Variants in PTPN4 observed in about 807,000 individuals in gnomAD.
PTPN4 encodes tyrosine-protein phosphatase non-receptor type 4.
PTPN4 carries 49 observed loss-of-function variants against 135.5 expected under a neutral mutation model. That is an observed-to-expected ratio of 0.36 (90% CI 0.29 to 0.46). PTPN4 has a LOEUF of 0.46. Ranked by LOEUF, PTPN4 falls within the 20% of genes least tolerant of loss-of-function variation. PTPN4 has a pLI of 1.00. For synonymous variants in PTPN4, 333 were observed against 369.9 expected, an observed-to-expected ratio of 0.90 and a Z score of 1.14; for missense variants, 860 against 1,101.0, an observed-to-expected ratio of 0.78 and a Z score of 3.10.
intron 14 of PTPN4, 53 bp downstream of exon 14, chr2:119,932,602 T>A: frequency 6.6e-7 from 1 of 1,506,868 alleles, no homozygotes; most frequent in Non-Finnish European, 9.0e-7. Flanking sequence ...TAATTTCTAA[T>A]TATTGGCTGT....
intron 2 of PTPN4, among the ~76,000 whole-genome samples, chr2:119,843,634 C>G (rs1177536485): frequency 1.9e-5 from 1 of 51,586 alleles, no homozygotes; most frequent in African/African-American, 1.0e-4. Flanking sequence ...CCCCCCCCAC[C>G]TTCCCTCCCG....
intron 25 of PTPN4, 96 bp downstream of exon 25, chr2:119,965,741 T>A: frequency 7.2e-7 from 1 of 1,385,510 alleles, no homozygotes; most frequent in South Asian, 1.5e-5. Flanking sequence ...TTATTGTCAC[T>A]GTAATAATTA....
Position 119,979,675 on chromosome 2 carries a change from T to A in PTPN4, c.*2605T>A, listed in dbSNP as rs562266670. 2 of 152,254 alleles carry A rather than the reference T, an allele frequency of 1.3e-5. No homozygotes were observed. The highest frequency in any genetic ancestry group is 6.5e-5 in the Admixed American group (1 of 15,288). The allele number at this position is 152,254 out of a possible 1,614,324, so 9.4% of individuals were successfully genotyped here. On this transcript the variant is annotated 3_prime_UTR_variant, in exon 27 of 27. Coordinates refer to ENST00000263708, the MANE Select transcript of PTPN4 (RefSeq NM_002830.4). Reference sequence around the variant, plus strand: ...ATCCTAGCTTTCATACACCATGTAGTTCTAGACTCCGTCCATATCAGTGTA... The same window carrying A: ...ATCCTAGCTTTCATACACCATGTAGATCTAGACTCCGTCCATATCAGTGTA...
chr2:119,851,084 T>C (rs1677584163), intron 2 of PTPN4, among the ~76,000 whole-genome samples: 1 of 152,244 alleles, frequency 6.6e-6, no homozygotes, highest in Admixed American at 6.5e-5. Context: ...TCTACTGTTT[T>C]CTGGAGGAAG....
At chr2:119,794,878 T>C (rs930895177) in intron 1 of PTPN4, among the ~76,000 whole-genome samples, 7 of 152,226 alleles carry the variant, frequency 4.6e-5, no homozygotes, top group Admixed American at 2.0e-4. Context: ...AGGAGCTTTA[T>C]TGAGCGACAG....
intron 15 of PTPN4, among the ~76,000 whole-genome samples, chr2:119,936,324 C>G (rs1351832791): frequency 2.0e-5 from 3 of 152,228 alleles, no homozygotes; most frequent in Admixed American, 6.5e-5. Context: ...TTTATAGATT[C>G]ACAAACCCCC....
chr2:119,935,154 T>A (rs1367621647), intron 15 of PTPN4, 196 bp downstream of exon 15: 1 of 610,662 alleles, frequency 1.6e-6, no homozygotes, highest in Non-Finnish European at 2.8e-6. Context: ...GTCACTATGT[T>A]GTTATTTTGT....
chr2:119,824,686 A>G (rs1677121916), intron 2 of PTPN4, among the ~76,000 whole-genome samples: 1 of 152,218 alleles, frequency 6.6e-6, no homozygotes, highest in South Asian at 2.1e-4. Flanking sequence ...AAGGAGTTGA[A>G]TATAAACATT....
At chr2:119,779,781 T>G (rs1479069675) in intron 1 of PTPN4, among the ~76,000 whole-genome samples, 1 of 152,322 alleles carries the variant, frequency 6.6e-6, no homozygotes, top group Admixed American at 6.5e-5. Flanking sequence ...GGTCTCTCTT[T>G]GTCTCCCAGG....
At chr2:119,817,290 T>C (rs1488384453) in intron 2 of PTPN4, among the ~76,000 whole-genome samples, 1 of 152,128 alleles carries the variant, frequency 6.6e-6, no homozygotes, top group Non-Finnish European at 1.5e-5. Context: ...TAGCCAGTTA[T>C]GCCAGCACCA....
intron 3 of PTPN4, among the ~76,000 whole-genome samples, chr2:119,868,818 C>T (rs187447897): frequency 5.5e-4 from 84 of 152,176 alleles, no homozygotes; most frequent in Middle Eastern, 3.4e-3. Context: ...TTAATAAATA[C>T]GTGGGTAAAT....
intron 10 of PTPN4, 131 bp from the exon 11 acceptor site, chr2:119,915,048 T>G (rs1678631329): frequency 1.5e-6 from 1 of 682,946 alleles, no homozygotes; most frequent in Non-Finnish European, 2.1e-6. Context: ...CAATTCTTTA[T>G]GTACTATGTG....
chr2:119,826,097 A>C (rs1222132100), intron 2 of PTPN4, among the ~76,000 whole-genome samples: 5 of 152,208 alleles, frequency 3.3e-5, no homozygotes, highest in Admixed American at 2.0e-4. Context: ...TTAAATGAGT[A>C]CACAAGATAG....
chr2:119,915,429 A>C (rs1050927512), intron 11 of PTPN4, 187 bp downstream of exon 11: 5 of 372,756 alleles, frequency 1.3e-5, no homozygotes, highest in African/African-American at 2.1e-5. Context: ...ATGTGGTTCT[A>C]ATTTAAAGTT....
chr2:119,882,178 T>C (rs2105002317), intron 7 of PTPN4, 29 bp downstream of exon 7: 3 of 1,568,164 alleles, frequency 1.9e-6, no homozygotes, highest in Non-Finnish European at 2.6e-6. Context: ...TTAGGTCAAA[T>C]AGCATATAAC....
At chr2:119,787,351 C>T (rs1047549173) in intron 1 of PTPN4, among the ~76,000 whole-genome samples, 5 of 152,102 alleles carry the variant, frequency 3.3e-5, no homozygotes, top group African/African-American at 1.2e-4. Context: ...GTACTAGGTG[C>T]TAAGAGAAAT....
At chr2:119,802,636 G>T (rs1431687188) in intron 1 of PTPN4, among the ~76,000 whole-genome samples, 2 of 152,024 alleles carry the variant, frequency 1.3e-5, no homozygotes, top group Non-Finnish European at 2.9e-5. Context: ...TTTATTAAGG[G>T]TTTTTGTGTC....
chr2:119,881,913 C>A, intron 6 of PTPN4, 83 bp downstream of exon 6: 2 of 1,160,298 alleles, frequency 1.7e-6, no homozygotes, highest in South Asian at 2.8e-5. Flanking sequence ...AATTCATGGT[C>A]ATTGCAAACA....
At chr2:119,760,445 A>G (rs976461254) in intron 1 of PTPN4, 61 bp downstream of exon 1, 1 of 389,014 alleles carries the variant, frequency 2.6e-6, no homozygotes, top group Non-Finnish European at 4.5e-6. Flanking sequence ...GGAGGCTCTT[A>G]CCTGCATGTG....
Sources: allele counts gnomAD v4.1 joint callset (sites outside exome capture counted in the v4.1 genomes callset), GRCh38; gene constraint gnomAD v4.1.1; transcripts MANE v1.5; gene names NCBI Gene and HGNC (gene_info 2026-07-23, HGNC 2026-07-21).